Variants in NOTCH1 observed in about 807,000 individuals in gnomAD.
NOTCH1 encodes the protein neurogenic locus notch homolog protein 1.
Under a neutral mutation model 254.8 loss-of-function variants are expected in NOTCH1, and 37 were observed. That is an observed-to-expected ratio of 0.15 (90% CI 0.11 to 0.19). The LOEUF (loss-of-function observed/expected upper bound fraction) is 0.19, where lower values mean the gene tolerates loss of function less well. NOTCH1 is among the 10% of genes least tolerant of loss of function. The pLI, the probability that NOTCH1 is intolerant of heterozygous loss-of-function variation, is 1.00. For missense variants in NOTCH1, 2,972 were observed against 3,708.6 expected (o/e 0.80, Z 5.16); for synonymous variants, 1,731 against 1,618.1 (o/e 1.07, Z -1.68).
chr9:136,517,738 C>T lies in NOTCH1; in HGVS notation c.1441+14G>A, dbSNP rs1843299242. On this transcript the variant is annotated intron_variant, in intron 8 of 33. Transcript: ENST00000651671. ...CCTCGACTCGGTTTCCCGCCCTGGC[C>T]CCGGCCGACGCACCGGGCATGCAGA... 1 of 1,612,426 alleles carries T rather than the reference C, an allele frequency of 6.2e-7. No individual in the cohort carries two copies. Among genetic ancestry groups the T allele is most frequent in the African/African-American group, 1.3e-5 (1 of 74,908 alleles).
Position 136,513,476 on chromosome 9 carries a change from A to C in NOTCH1, c.2269T>G (p.Cys757Gly), listed in dbSNP as rs1490693169. The change falls in exon 14 of 34, where the codon TGT (cysteine) becomes GGT (glycine). Residue 757 changes from cysteine to glycine, a missense_variant. Cys to Gly is a radical substitution (Grantham distance 159). Around this residue, in one of 8 missense-constraint regions of NOTCH1, gnomAD observed 1,343 missense variants for 1,557.0 expected, o/e 0.86. Coordinates refer to ENST00000651671, the MANE Select transcript of NOTCH1 (RefSeq NM_017617.5). This position sits in a 1 kb window ranked among gnomAD's most constrained non-coding sequence, Gnocchi z 4.7. ...GTNCDINNNE[C>G]ESNPCVNGGT... ...CCGTTGACACAAGGGTTGGATTCAC[A>C]CTCATTGTTGTTGATGTCACAGTTG... The C allele has an allele frequency of 6.2e-7, 1 of 1,613,022 alleles. No individual in the cohort carries two copies. Among genetic ancestry groups the C allele is most frequent in the African/African-American group, 1.3e-5 (1 of 74,888 alleles).
rs147841035 is a variant in NOTCH1, at chr9:136,505,548, C to T, written c.4348G>A (p.Glu1450Lys). The T allele has an allele frequency of 2.9e-5, 46 of 1,611,586 alleles. No individual in the cohort carries two copies. The highest frequency in any genetic ancestry group is 1.7e-4 in the Middle Eastern group (1 of 6,060). The change falls in exon 25 of 34, where the codon GAG (glutamate) becomes AAG (lysine). Residue 1450 changes from glutamate (E) to lysine (K), a missense_variant. Physicochemically the swap from Glu to Lys is moderately conservative, Grantham distance 56 (BLOSUM62 1). Transcript: ENST00000651671. ...GCGTCCTCCTGGCACTCGGGCAGCT[C>T]GCACGCCTCCTCGATCAGCGGCGGG... ...IPPPLIEEACELPECQEDAGN... is the reference protein window; with the variant it reads ...IPPPLIEEACKLPECQEDAGN...
At chr9:136,520,826 C>T (rs923502559) in intron 4 of NOTCH1, among the ~76,000 whole-genome samples, 2 of 152,176 alleles carry the variant, frequency 1.3e-5, no homozygotes, top group African/African-American at 4.8e-5. Flanking sequence ...GATGGGGCCC[C>T]TGGCTGGGCC....
At position 136,511,329 on chromosome 9, in the gene NOTCH1, C is replaced by T. The variant is rs531234307; in HGVS notation, c.2468-58G>A. ...CCTCACCCAGAGGGATCTCCCAAAT[C>T]GGCCACCGCCTGCTGGTCTTTCCGC... On this transcript the variant is annotated intron_variant, in intron 15 of 33. Coordinates refer to ENST00000651671, the MANE Select transcript of NOTCH1 (RefSeq NM_017617.5). 107 of 1,550,010 alleles carry T rather than the reference C, an allele frequency of 6.9e-5. No homozygotes were observed. In the East Asian group the frequency reaches 2.1e-3, roughly 30 times the overall value.
At chr9:136,520,203 C>A (rs188767449) in intron 4 of NOTCH1, among the ~76,000 whole-genome samples, 6 of 152,202 alleles carry the variant, frequency 3.9e-5, no homozygotes, top group Non-Finnish European at 7.3e-5. Flanking sequence ...CAATGATCAA[C>A]CCAGAAAGGC....
intron 4 of NOTCH1, among the ~76,000 whole-genome samples, chr9:136,520,411 A>C (rs1016700114): frequency 3.9e-5 from 6 of 151,942 alleles, no homozygotes; most frequent in African/African-American, 1.5e-4. Context: ...CCAAAATCCA[A>C]AATGCAAATC....
Position 136,509,976 on chromosome 9 carries a change from A to T in NOTCH1, c.2741-15T>A. ...GTGACACGGGTCTGGGAGAGGACGG[A>T]AGGGTGAGTGTGAGGGGCAGGCACA... is the stretch of plus-strand genomic sequence containing the variant. On this transcript the variant is annotated splice_polypyrimidine_tract_variant and intron_variant, in intron 17 of 33. Coordinates refer to ENST00000651671, the MANE Select transcript of NOTCH1 (RefSeq NM_017617.5). The T allele has an allele frequency of 6.2e-7, 1 of 1,610,734 alleles. No homozygotes were observed. Among genetic ancestry groups the T allele is most frequent in the Non-Finnish European group, 8.5e-7 (1 of 1,178,840 alleles).
chr9:136,513,300 G>A lies in NOTCH1; in HGVS notation c.2353+92C>T, dbSNP rs1589064527. 2 of 1,581,874 alleles carry A rather than the reference G, an allele frequency of 1.3e-6. No homozygotes were observed. Among genetic ancestry groups the A allele is most frequent in the East Asian group, 4.5e-5 (2 of 44,292 alleles). On this transcript the variant is annotated intron_variant, in intron 14 of 33. Transcript: ENST00000651671. This position sits in a 1 kb window ranked among gnomAD's most constrained non-coding sequence, Gnocchi z 4.7. The stretch of plus-strand genomic sequence containing the variant: ...GCCACGGGAGGGAGACACCATGCAT[G>A]GTGCTGGCTGGACCTGGGTCCCGAT...
Position 136,518,662 on chromosome 9 carries a change from G to T in NOTCH1, c.1028C>A (p.Ala343Asp). 6.2e-7 allele frequency: 1 copy of T among 1,612,376 alleles called. No homozygotes were observed. Among genetic ancestry groups the T allele is most frequent in the Non-Finnish European group, 8.5e-7 (1 of 1,179,948 alleles). ...ATGGCAGGTGGCGCCGTGGAAGCAGGCGGCGCTGGCACAGTCATCAATGTT... is the reference window on the plus strand; with the variant it reads ...ATGGCAGGTGGCGCCGTGGAAGCAGTCGGCGCTGGCACAGTCATCAATGTT... Reference protein sequence around the residue: ...SENIDDCASAACFHGATCHDR... With the variant: ...SENIDDCASADCFHGATCHDR... The change falls in exon 6 of 34, where the codon GCC (alanine) becomes GAC (aspartate). Residue 343 changes from alanine to aspartate, a missense_variant. Ala to Asp is a moderately radical substitution (Grantham distance 126). Around this residue, in one of 8 missense-constraint regions of NOTCH1, gnomAD observed 90 missense variants for 183.6 expected, o/e 0.49. Coordinates refer to ENST00000651671, the MANE Select transcript of NOTCH1 (RefSeq NM_017617.5).
chr9:136,526,464 G>A (rs1019610206), intron 2 of NOTCH1, among the ~76,000 whole-genome samples: 10 of 152,172 alleles, frequency 6.6e-5, no homozygotes, highest in East Asian at 3.9e-4. Context: ...CCTGCCTCCC[G>A]GCCCCTCGAG....
chr9:136,514,884 C>T (rs1040357743), intron 12 of NOTCH1, among the ~76,000 whole-genome samples, 182 bp from the exon 13 acceptor site: 23 of 152,330 alleles, frequency 1.5e-4, no homozygotes, highest in Admixed American at 1.4e-3. Flanking sequence ...CCAGTGCCCA[C>T]TCAAGTCATC....
At chr9:136,544,359 G>A (rs535383582) in intron 1 of NOTCH1, among the ~76,000 whole-genome samples, 7 of 152,304 alleles carry the variant, frequency 4.6e-5, no homozygotes, top group Admixed American at 2.6e-4. Flanking sequence ...CAGGGAACAC[G>A]TCCTGCTTGA....
chr9:136,545,609 C>T lies in NOTCH1; in HGVS notation c.61+117G>A. The T allele has an allele frequency of 1.2e-6, 1 of 802,854 alleles. No individual in the cohort carries two copies. The allele number at this position is 802,854 out of a possible 1,614,324, so 49.7% of individuals were successfully genotyped here. A position where few individuals can be genotyped will look rare whatever the true frequency, so the allele number is the denominator to read the frequency against. The stretch of plus-strand genomic sequence containing the variant: ...CCACGCCCCGGGCCGCCCGCTTTTC[C>T]CTCTCCATGCTGGCCTCCCCGCCGC... On this transcript the variant is annotated intron_variant, in intron 1 of 33. Coordinates refer to ENST00000651671, the MANE Select transcript of NOTCH1 (RefSeq NM_017617.5). This position sits in a 1 kb window ranked among gnomAD's most constrained non-coding sequence, Gnocchi z 6.8.
Position 136,518,745 on chromosome 9 carries a change from G to A in NOTCH1, c.945C>T (p.Thr315=), listed in dbSNP as rs539148092. The A allele has an allele frequency of 2.0e-5, 33 of 1,612,936 alleles. No homozygotes were observed. Among genetic ancestry groups the A allele is most frequent in the South Asian group, 1.1e-5 (1 of 91,082 alleles). ...ACQNGGTCHN[T]HGGYNCVCVN... ...CACACACGCAGTTGTAGCCACCGTG[G>A]GTGTTGTGGCAGGTCCCGCCGTTCT... Residue 315 remains threonine (T), a synonymous_variant, in exon 6 of 34, where the codon ACC becomes ACT. Coordinates refer to ENST00000651671, the MANE Select transcript of NOTCH1 (RefSeq NM_017617.5).
At chr9:136,544,708 G>A (rs949513658) in intron 1 of NOTCH1, among the ~76,000 whole-genome samples, 1 of 152,090 alleles carries the variant, frequency 6.6e-6, no homozygotes, top group Non-Finnish European at 1.5e-5. Context: ...CAGGGGCACC[G>A]GGACAGCACC....
chr9:136,517,458 G>C (rs1044515232), intron 8 of NOTCH1, 73 bp from the exon 9 acceptor site: 1 of 1,097,892 alleles, frequency 9.1e-7, no homozygotes. Context: ...GTGGACTTGG[G>C]ACAGAAACGA....
chr9:136,503,755 G>A (rs1271071272), intron 26 of NOTCH1, among the ~76,000 whole-genome samples: 1 of 152,218 alleles, frequency 6.6e-6, no homozygotes, highest in Non-Finnish European at 1.5e-5. Flanking sequence ...GGCTGGCTGG[G>A]GGTGAGCTCT....
rs374921637 is a variant in NOTCH1, at chr9:136,505,795, C to T, written c.4101G>A (p.Pro1367=). The change falls in exon 25 of 34, where the codon CCG becomes CCA. Residue 1367 remains proline, a synonymous_variant. Coordinates refer to ENST00000651671, the MANE Select transcript of NOTCH1 (RefSeq NM_017617.5). Reference sequence around the variant, plus strand: ...CCAGGCACAGGCAGGTGGGGCTGCGCGGGCCGGAGATGCATGTGCCGCCGT... The same window carrying T: ...CCAGGCACAGGCAGGTGGGGCTGCGTGGGCCGGAGATGCATGTGCCGCCGT... ...CLNGGTCISG[P]RSPTCLCLGP... The T allele has an allele frequency of 1.1e-4, 169 of 1,583,548 alleles. No individual in the cohort carries two copies. Among genetic ancestry groups the T allele is most frequent in the Non-Finnish European group, 1.2e-4 (137 of 1,166,578 alleles).
At position 136,539,538 on chromosome 9, in the gene NOTCH1, G is replaced by A. The variant is rs144473643; in HGVS notation, c.140+4486C>T. 4.2e-3 allele frequency among the ~76,000 whole-genome samples: 635 copies of A among 152,284 alleles called. 3 individuals are homozygous for A. Among genetic ancestry groups the A allele is most frequent in the African/African-American group, 0.014 (597 of 41,560 alleles). On this transcript the variant is annotated intron_variant, in intron 2 of 33. Transcript: ENST00000651671. ...CAAGTAGCTGGGATTACAGGCACAC[G>A]CCACTGCGCCTGGGTAATTTTTGTA... is the stretch of plus-strand genomic sequence containing the variant.
Sources: allele counts gnomAD v4.1 joint callset (sites outside exome capture counted in the v4.1 genomes callset), GRCh38; gene constraint gnomAD v4.1.1; regional missense constraint gnomAD v4.1.1; non-coding constraint Gnocchi (gnomAD v3.1); transcripts MANE v1.5; gene names NCBI Gene and HGNC (gene_info 2026-07-23, HGNC 2026-07-21).